DACH2: variants seen among roughly 807,000 people sequenced by gnomAD.
DACH2 encodes dachshund homolog 2.
Under a neutral mutation model 35.8 loss-of-function variants are expected in DACH2, and 17 were observed. That is an observed-to-expected ratio of 0.48 (90% confidence interval 0.33 to 0.71). The LOEUF is 0.71. Ranked by LOEUF, DACH2 falls within the 30% of genes least tolerant of loss-of-function variation. The pLI, the probability that DACH2 is intolerant of heterozygous loss-of-function variation, is 0.02. For synonymous variants in DACH2, 195 were observed against 177.3 expected, an observed-to-expected ratio of 1.10 and a Z score of -0.79; for missense variants, 469 against 472.7, an observed-to-expected ratio of 0.99 and a Z score of 0.07.
At chrX:86,757,885 T>C (rs2041844390) in intron 7 of DACH2, among the ~76,000 whole-genome samples, 1 of 111,787 alleles carries the variant, frequency 8.9e-6, no homozygotes, top group Non-Finnish European at 1.9e-5. Context: ...CAGCCTCAGG[T>C]TGTTCTTTAT....
At chrX:86,590,292 C>T (rs1428620713) in intron 3 of DACH2, among the ~76,000 whole-genome samples, 2 of 111,970 alleles carry the variant, frequency 1.8e-5, no homozygotes, top group Non-Finnish European at 3.8e-5. Flanking sequence ...GTTCTTCCTC[C>T]CCCAGCCTTC....
intron 7 of DACH2, among the ~76,000 whole-genome samples, chrX:86,774,907 A>C (rs964160171): frequency 1.8e-5 from 2 of 111,645 alleles, no homozygotes; most frequent in Non-Finnish European, 3.8e-5. Flanking sequence ...ATCTTATTGT[A>C]TTATTATCAT....
At chrX:86,694,002 C>A (rs907150154) in intron 4 of DACH2, among the ~76,000 whole-genome samples, 2 of 102,438 alleles carry the variant, frequency 2.0e-5, no homozygotes, top group African/African-American at 7.3e-5. Context: ...TTAAAAAAAA[C>A]ATTAAATATA....
chrX:86,760,506 G>A (rs893671494), intron 7 of DACH2, among the ~76,000 whole-genome samples: 4 of 111,188 alleles, frequency 3.6e-5, no homozygotes, highest in Non-Finnish European at 7.5e-5. Context: ...TTTCAGATGT[G>A]TTTTCTATTT....
At chrX:86,251,159 G>A (rs1163103956) in intron 1 of DACH2, among the ~76,000 whole-genome samples, 4 of 110,792 alleles carry the variant, frequency 3.6e-5, no homozygotes, top group African/African-American at 1.3e-4. Context: ...AGTATGTAAA[G>A]CATAGTTGTC....
At chrX:86,599,873 G>A (rs2039767535) in intron 3 of DACH2, among the ~76,000 whole-genome samples, 1 of 111,004 alleles carries the variant, frequency 9.0e-6, no homozygotes, top group African/African-American at 3.3e-5. Flanking sequence ...GGGCAAGGAT[G>A]ATATGGGCCC....
At chrX:86,347,331 G>A (rs934801040) in intron 1 of DACH2, among the ~76,000 whole-genome samples, 3 of 112,709 alleles carry the variant, frequency 2.7e-5, no homozygotes, top group African/African-American at 9.7e-5. Context: ...CAACAGAATA[G>A]TTGAAGTAGT....
chrX:86,753,421 A>G (rs1235986425), intron 7 of DACH2, among the ~76,000 whole-genome samples: 6 of 111,938 alleles, frequency 5.4e-5, no homozygotes, highest in Non-Finnish European at 1.1e-4. Flanking sequence ...TACTGTTTAC[A>G]TTGTCATAAA....
chrX:86,708,436 G>T (rs1181960717), intron 5 of DACH2, among the ~76,000 whole-genome samples: 1 of 111,222 alleles, frequency 9.0e-6, no homozygotes, highest in African/African-American at 3.3e-5. Flanking sequence ...TTATAGTAAG[G>T]TTGCAGGATA....
chrX:86,196,958 A>T (rs190536067), intron 1 of DACH2, among the ~76,000 whole-genome samples: 3 of 110,512 alleles, frequency 2.7e-5, no homozygotes, highest in African/African-American at 9.9e-5. Flanking sequence ...ACACATAATC[A>T]TCAGATTCTC....
intron 1 of DACH2, among the ~76,000 whole-genome samples, chrX:86,291,286 CTT>C (rs1285348016): frequency 9.9e-6 from 1 of 100,534 alleles, no homozygotes; most frequent in Admixed American, 1.1e-4. Flanking sequence ...TATCCTGAGA[CTT>C]TGCTGAAGTT....
intron 2 of DACH2, among the ~76,000 whole-genome samples, chrX:86,455,529 G>A (rs2037460493): frequency 8.9e-6 from 1 of 112,363 alleles, no homozygotes; most frequent in African/African-American, 3.2e-5. Flanking sequence ...AAGAGGAATA[G>A]ATTGGGGTCC....
chrX:86,762,776 G>A (rs67917552), intron 7 of DACH2, among the ~76,000 whole-genome samples: 22,404 of 110,551 alleles, frequency 0.2, 1,751 homozygotes, highest in East Asian at 0.47. Flanking sequence ...ATGGAATATG[G>A]GATATCCATC....
intron 1 of DACH2, among the ~76,000 whole-genome samples, chrX:86,367,246 C>T (rs1178699884): frequency 1.8e-5 from 2 of 111,352 alleles, no homozygotes; most frequent in Non-Finnish European, 3.8e-5. Flanking sequence ...CTGAAACAAA[C>T]ATCGGAGCTT....
chrX:86,529,975 A>G (rs200784122), intron 3 of DACH2, among the ~76,000 whole-genome samples: 1,646 of 46,346 alleles, frequency 0.036, 29 homozygotes, highest in African/African-American at 0.077. Flanking sequence ...ACACACACAC[A>G]CGCACACACA....
chrX:86,822,708 T>TTAA (rs1228987325), intron 11 of DACH2, among the ~76,000 whole-genome samples: 3 of 111,569 alleles, frequency 2.7e-5, no homozygotes, highest in Admixed American at 1.9e-4. Context: ...TACATCATAG[T>TTAA]TAATTAAACG....
At chrX:86,190,053 A>T (rs1057417777) in intron 1 of DACH2, among the ~76,000 whole-genome samples, 2 of 109,492 alleles carry the variant, frequency 1.8e-5, no homozygotes, top group Non-Finnish European at 3.8e-5. Flanking sequence ...AATCCCAGCT[A>T]CTTGGGAGGT....
In DACH2 at chrX:86,268,062, A is replaced by G. The variant is rs2033742649; in HGVS notation, c.489-108762A>G. The stretch of plus-strand genomic sequence containing the variant: ...AGATGAGAAAAATTGTCAGGAAAGA[A>G]AAAAGATCACTAGAAAACCTAAGCA... On this transcript the variant is annotated intron_variant, in intron 1 of 11. Transcript: ENST00000373125. Among the ~76,000 whole-genome samples the G allele has an allele frequency of 2.7e-5, 3 of 112,251 alleles. No individual in the cohort carries two copies. The Admixed American group carries it at 2.9e-4, about 11-fold the overall frequency.
chrX:86,157,964 A>T (rs1345373117), intron 1 of DACH2, among the ~76,000 whole-genome samples: 1 of 111,206 alleles, frequency 9.0e-6, no homozygotes, highest in Non-Finnish European at 1.9e-5. Flanking sequence ...AGCAGGGTAT[A>T]TAGGTGCAAT....
Sources: allele counts gnomAD v4.1 joint callset (sites outside exome capture counted in the v4.1 genomes callset), GRCh38; gene constraint gnomAD v4.1.1; transcripts MANE v1.5; gene names NCBI Gene and HGNC (gene_info 2026-07-23, HGNC 2026-07-21).